Variants in PLCH2 observed in about 807,000 individuals in gnomAD.
The protein encoded by PLCH2 is phospholipase C eta 2, also known as 1-phosphatidylinositol 4,5-bisphosphate phosphodiesterase eta-2.
A neutral mutation model predicts 134.7 loss-of-function variants in PLCH2; 98 were observed. The ratio of observed to expected loss-of-function variants is 0.73; its 90% CI spans 0.62 to 0.86. PLCH2 has a LOEUF of 0.86. Among genes scored for constraint, PLCH2 ranks in the 40% least tolerant of loss-of-function variants. PLCH2 has a pLI of 0.00. For missense variants in PLCH2, 1,994 were observed against 1,986.6 expected (o/e 1.00, Z -0.07); for synonymous variants, 974 against 827.5 (o/e 1.18, Z -3.04).
chr1:2,458,198 G>A (rs1640592480), intron 2 of PLCH2, among the ~76,000 whole-genome samples: 1 of 152,224 alleles, frequency 6.6e-6, no homozygotes, highest in Non-Finnish European at 1.5e-5. Context: ...GCTGCCTGGG[G>A]CGGGGGGACT....
In PLCH2 at chr1:2,496,601, C is replaced by A; in HGVS notation, c.1836-6C>A. The A allele has an allele frequency of 6.2e-7, 1 of 1,608,186 alleles. No homozygotes were observed. On this transcript the variant is annotated splice_region_variant and splice_polypyrimidine_tract_variant and intron_variant, in intron 13 of 21. Coordinates refer to ENST00000378486, the MANE Select transcript of PLCH2 (RefSeq NM_014638.4). ...GAGGGGTTCTGACCCCCTGCACCTG[C>A]CACAGGGCGACCCGGCAGAAGAAGA...
upstream of PLCH2, among the ~76,000 whole-genome samples, chr1:2,474,665 A>T (rs114634746): frequency 8.4e-3 from 1,277 of 152,096 alleles, 16 homozygotes; most frequent in South Asian, 0.032. Flanking sequence ...TCAAGGAGGG[A>T]TGGGTGAGAG....
chr1:2,426,445 G>A lies in PLCH2; in HGVS notation c.-178+408G>A, dbSNP rs984553965. On this transcript the variant is annotated intron_variant, in intron 1 of 3. Coordinates refer to the PLCH2 transcript ENST00000609981. ...CATGGCCTCCCAAAGTCCCTGGTTC[G>A]GGGCTGCCGTGAGCAGCCTCCTGAG... Among the ~76,000 whole-genome samples, 6 of 152,362 alleles carry A rather than the reference G, an allele frequency of 3.9e-5. No homozygotes were observed. In the East Asian group the frequency reaches 7.7e-4, roughly 20 times the overall value.
chr1:2,476,541 G>T lies in PLCH2; in HGVS notation c.-48G>T. On this transcript the variant is annotated 5_prime_UTR_variant, in exon 1 of 22. Transcript: ENST00000378486. ...GCCTGACCTCCGCTGCCCGAAGGCC[G>T]GTGGGCCTCTGTGGCCTCCGTGAAG... 6.9e-7 allele frequency: 1 copy of T among 1,443,450 alleles called. No homozygotes were observed. Among genetic ancestry groups the T allele is most frequent in the South Asian group, 1.4e-5 (1 of 69,436 alleles). The allele number at this position is 1,443,450 out of a possible 1,614,324, so 89.4% of individuals were successfully genotyped here.
intron 1 of PLCH2, among the ~76,000 whole-genome samples, chr1:2,429,037 G>A (rs1032732253): frequency 9.2e-5 from 14 of 152,154 alleles, no homozygotes; most frequent in African/African-American, 3.4e-4. Context: ...CTAGGTCTGT[G>A]CCGATTGGAG....
chr1:2,456,932 G>T (rs1640525744), intron 2 of PLCH2, among the ~76,000 whole-genome samples: 1 of 152,208 alleles, frequency 6.6e-6, no homozygotes, highest in East Asian at 1.9e-4. Flanking sequence ...CTCTGGCACT[G>T]TGAGGGGCGA....
chr1:2,502,536 G>T, intron 21 of PLCH2, 127 bp downstream of exon 21: 1 of 1,027,180 alleles, frequency 9.7e-7, no homozygotes, highest in Non-Finnish European at 1.5e-6. Flanking sequence ...TCCTGCGCCG[G>T]CGTGAACACC....
intron 2 of PLCH2, 186 bp from the exon 3 acceptor site, chr1:2,479,548 G>A (rs956063933): frequency 8.3e-6 from 5 of 600,450 alleles, no homozygotes; most frequent in Middle Eastern, 4.5e-4. Context: ...GGTCAGCAGT[G>A]GGGGGCTGTG....
At chr1:2,467,616 G>A (rs929027105) in exon 1 of PLCH2, 5 of 412,032 alleles carry the variant, frequency 1.2e-5, no homozygotes, top group South Asian at 7.9e-5. Context: ...GGCACCCGCC[G>A]GCCATGGAAG....
chr1:2,444,354 G>C lies in PLCH2; in HGVS notation c.115+13725G>C, dbSNP rs570546097. 6.6e-6 allele frequency among the ~76,000 whole-genome samples: 1 copy of C among 152,348 alleles called. No homozygotes were observed. The highest frequency in any genetic ancestry group is 1.9e-4 in the East Asian group (1 of 5,172). On this transcript the variant is annotated intron_variant, in intron 2 of 3. Transcript: ENST00000609981. The surrounding 1 kb of genome is among the most constrained non-coding windows in gnomAD (Gnocchi z 4.6). ...CGCAGGGCACCCTGTGTGGGTCCGG[G>C]AGGTGCTGCGTGGACTTGCCGCATG...
At chr1:2,475,321 GCC>G (rs1641555633), upstream of PLCH2, among the ~76,000 whole-genome samples, 1 of 141,998 alleles carries the variant, frequency 7.0e-6, no homozygotes, top group African/African-American at 3.0e-5. Context: ...TGTTGCTGGA[GCC>G]AGTAGAGCCT....
chr1:2,463,292 G>A (rs1640909341), upstream of PLCH2, among the ~76,000 whole-genome samples: 1 of 152,216 alleles, frequency 6.6e-6, no homozygotes, highest in Admixed American at 6.5e-5. Context: ...GAAAAGTGAA[G>A]AGGTTGGATC....
Position 2,502,258 on chromosome 1 carries a change from C to A in PLCH2, c.2808C>A (p.Ser936Arg). The change falls in exon 21 of 22, where the codon AGC becomes AGA. Residue 936 changes from serine to arginine, a missense_variant. Around this residue, in one of 2 missense-constraint regions of PLCH2, gnomAD observed 900 missense variants for 752.3 expected, o/e 1.20. Coordinates refer to ENST00000378486, the MANE Select transcript of PLCH2 (RefSeq NM_014638.4). ...GCACGGCCAGCGCCCCGACCAAGAG[C>A]CAGAAGCCGGGCCGCAGGGGCTTCC... ...LRRTASAPTK[S>R]QKPGRRGFPE... The A allele has an allele frequency of 1.3e-6, 2 of 1,541,528 alleles. No individual in the cohort carries two copies. The highest frequency in any genetic ancestry group is 1.7e-6 in the Non-Finnish European group (2 of 1,144,712).
upstream of PLCH2, among the ~76,000 whole-genome samples, chr1:2,424,553 C>T (rs1638675922): frequency 1.3e-5 from 2 of 152,186 alleles, no homozygotes; most frequent in South Asian, 2.1e-4. Flanking sequence ...AGAATTTCTT[C>T]CTTTTTAAAG....
At chr1:2,455,764 C>T (rs995721838) in intron 2 of PLCH2, among the ~76,000 whole-genome samples, 4 of 152,062 alleles carry the variant, frequency 2.6e-5, no homozygotes, top group Non-Finnish European at 2.9e-5. Context: ...GGGCCCAGTT[C>T]GGGGAGTATG....
chr1:2,454,154 G>A (rs531486765), intron 2 of PLCH2, among the ~76,000 whole-genome samples: 1 of 152,206 alleles, frequency 6.6e-6, no homozygotes, highest in African/African-American at 2.4e-5. Flanking sequence ...TGGCCTCCCC[G>A]GGGCATGTCC....
intron 4 of PLCH2, among the ~76,000 whole-genome samples, chr1:2,484,131 C>T (rs1179306019): frequency 6.6e-6 from 1 of 152,016 alleles, no homozygotes; most frequent in Admixed American, 6.5e-5. Context: ...TGTTGACTCC[C>T]GTATGGGTGA....
chr1:2,486,791 TG>T, intron 5 of PLCH2, 115 bp from the exon 6 acceptor site: 1 of 792,646 alleles, frequency 1.3e-6, no homozygotes, highest in Non-Finnish European at 2.1e-6. Flanking sequence ...TGGCTGGCCA[TG>T]GTCATCCCTG....
intron 1 of PLCH2, among the ~76,000 whole-genome samples, chr1:2,429,942 T>C (rs1009125500): frequency 6.6e-6 from 1 of 152,222 alleles, no homozygotes; most frequent in African/African-American, 2.4e-5. Flanking sequence ...GACTGGCTGG[T>C]TTCTGTAAAG....
Sources: allele counts gnomAD v4.1 joint callset (sites outside exome capture counted in the v4.1 genomes callset), GRCh38; gene constraint gnomAD v4.1.1; regional missense constraint gnomAD v4.1.1; non-coding constraint Gnocchi (gnomAD v3.1); transcripts MANE v1.5; gene names NCBI Gene and HGNC (gene_info 2026-07-23, HGNC 2026-07-21).